Variants in DNAH6 observed in about 807,000 individuals in gnomAD.
DNAH6 encodes dynein axonemal heavy chain 6.
In DNAH6, 340 loss-of-function variants were observed where a neutral mutation model predicts 491.4. That is an observed-to-expected ratio of 0.69 (90% CI 0.63 to 0.76). DNAH6 has a LOEUF of 0.76. Among genes scored for constraint, DNAH6 ranks in the 30% least tolerant of loss-of-function variants. DNAH6 has a pLI of 0.00. For synonymous variants in DNAH6, 1,603 were observed against 1,686.1 expected (o/e 0.95, Z 1.21); for missense variants, 4,443 against 4,972.2 (o/e 0.89, Z 3.20).
At chr2:84,517,170 T>C (rs1459391196) in intron 1 of DNAH6, among the ~76,000 whole-genome samples, 1 of 152,180 alleles carries the variant, frequency 6.6e-6, no homozygotes, top group Non-Finnish European at 1.5e-5. Flanking sequence ...TCGAAGTATC[T>C]CCACTCATCT....
intron 62 of DNAH6, among the ~76,000 whole-genome samples, chr2:84,741,016 TCAG>T (rs967770132): frequency 4.6e-5 from 7 of 152,192 alleles, no homozygotes; most frequent in African/African-American, 1.7e-4. Flanking sequence ...CAAAATGGTG[TCAG>T]CCATGGGCTT....
chr2:84,697,443 T>C, intron 46 of DNAH6, 132 bp from the exon 47 acceptor site: 1 of 980,832 alleles, frequency 1.0e-6, no homozygotes, highest in South Asian at 1.9e-5. Flanking sequence ...AACTTCAGGG[T>C]TCCATGAAAT....
intron 14 of DNAH6, among the ~76,000 whole-genome samples, chr2:84,580,335 C>G (rs1320659758): frequency 1.3e-5 from 2 of 151,718 alleles, no homozygotes; most frequent in African/African-American, 4.8e-5. Flanking sequence ...CACACACACA[C>G]ACACACACAC....
intron 63 of DNAH6, among the ~76,000 whole-genome samples, chr2:84,758,036 T>C (rs1164738318): frequency 6.6e-6 from 1 of 152,224 alleles, no homozygotes. Context: ...TTAAAATGTT[T>C]CATAAAGAAA....
At position 84,547,559 on chromosome 2, in the gene DNAH6, C is replaced by CCAAA. The variant is rs1220838544; in HGVS notation, c.1133_1134insCAAA (p.Leu379LysfsTer10). 7.7e-6 allele frequency: 12 copies of CCAAA among 1,551,836 alleles called. No individual in the cohort carries two copies. Among genetic ancestry groups the CCAAA allele is most frequent in the Non-Finnish European group, 1.0e-5 (12 of 1,146,984 alleles). On this transcript the variant is annotated frameshift_variant, in exon 7 of 77. Coordinates refer to ENST00000389394, the MANE Select transcript of DNAH6 (RefSeq NM_001370.2). LOFTEE classifies it high-confidence loss of function. Reference sequence around the variant, plus strand: ...GTAGTCAGGAGGGCTTGTCGATTTGCTTTGCGTGCTGCAGGATTTGTTCCT... The same window carrying CCAAA: ...GTAGTCAGGAGGGCTTGTCGATTTGCCAAATTTGCGTGCTGCAGGATTTGTTCCT...
intron 15 of DNAH6, among the ~76,000 whole-genome samples, chr2:84,586,330 A>G (rs780093715): frequency 1.3e-5 from 2 of 152,214 alleles, no homozygotes; most frequent in Non-Finnish European, 2.9e-5. Context: ...TGGAGTGTGC[A>G]GCCCTGGCCA....
chr2:84,789,795 A>G (rs1376037974), intron 68 of DNAH6, among the ~76,000 whole-genome samples: 1 of 152,208 alleles, frequency 6.6e-6, no homozygotes, highest in East Asian at 1.9e-4. Flanking sequence ...CACTTTTACA[A>G]GAGTTTTTAT....
chr2:84,637,458 T>C (rs1278188230), intron 31 of DNAH6, 81 bp downstream of exon 31: 2 of 1,395,338 alleles, frequency 1.4e-6, no homozygotes, highest in African/African-American at 2.9e-5. Flanking sequence ...GTAGAAAGTT[T>C]CCTTTATGAA....
chr2:84,473,070 A>C, the DNAH6 span, among the ~76,000 whole-genome samples: 1 of 152,130 alleles, frequency 6.6e-6, no homozygotes, highest in East Asian at 1.9e-4. Context: ...CCATTACTAG[A>C]TCCATCAGTA....
chr2:84,550,287 G>T (rs1007881009), intron 9 of DNAH6, among the ~76,000 whole-genome samples: 1 of 152,126 alleles, frequency 6.6e-6, no homozygotes, highest in African/African-American at 2.4e-5. Context: ...AGATCATCAG[G>T]CATTAGTTAG....
chr2:84,541,860 C>G (rs563262522), intron 4 of DNAH6, among the ~76,000 whole-genome samples: 1 of 152,250 alleles, frequency 6.6e-6, no homozygotes, highest in Non-Finnish European at 1.5e-5. Context: ...ATCTCACTAT[C>G]CTTGAGTCTT....
intron 10 of DNAH6, among the ~76,000 whole-genome samples, chr2:84,556,403 A>G (rs1436774666): frequency 6.6e-6 from 1 of 152,148 alleles, no homozygotes; most frequent in East Asian, 1.9e-4. Flanking sequence ...CCAGTACCTA[A>G]ATGACTCACC....
At chr2:84,726,277 G>T (rs1292654821) in intron 60 of DNAH6, among the ~76,000 whole-genome samples, 4 of 152,100 alleles carry the variant, frequency 2.6e-5, no homozygotes, top group Non-Finnish European at 5.9e-5. Flanking sequence ...CAGGGATTGG[G>T]CAGGTACTAC....
At chr2:84,466,300 G>A in the DNAH6 span, among the ~76,000 whole-genome samples, 1 of 152,218 alleles carries the variant, frequency 6.6e-6, no homozygotes, top group Non-Finnish European at 1.5e-5. Flanking sequence ...TCCAGTCAAA[G>A]CCTTGGTAAA....
upstream of DNAH6, chr2:84,516,433 A>C (rs1363985947): frequency 6.6e-6 from 1 of 152,174 alleles, no homozygotes; most frequent in Non-Finnish European, 1.5e-5. Context: ...TTGCCTGGCG[A>C]CGTGTTACTC....
intron 62 of DNAH6, among the ~76,000 whole-genome samples, chr2:84,735,652 A>T (rs1699479608): frequency 1.3e-5 from 2 of 152,112 alleles, no homozygotes; most frequent in African/African-American, 4.8e-5. Context: ...AGTCATGTTG[A>T]GCATTTTTTC....
At chr2:84,502,956 A>G in the DNAH6 span, among the ~76,000 whole-genome samples, 3 of 152,052 alleles carry the variant, frequency 2.0e-5, no homozygotes, top group East Asian at 1.9e-4. Context: ...CAGCCAGTCT[A>G]TGTCTTTTGA....
At chr2:84,586,202 G>A (rs546237153) in intron 15 of DNAH6, among the ~76,000 whole-genome samples, 1 of 152,316 alleles carries the variant, frequency 6.6e-6, no homozygotes, top group African/African-American at 2.4e-5. Context: ...GACTGCCTGA[G>A]TCTGCAGCAA....
Position 84,544,498 on chromosome 2 carries a change from C to A in DNAH6, c.928C>A (p.Pro310Thr). ...SLQKNLFIVNPHLRPALLKIN... is the reference protein window; with the variant it reads ...SLQKNLFIVNTHLRPALLKIN... ...ACAAAAAAATTTGTTCATTGTTAATCCTGTATGTATTTATCATTTATATTT... is the reference window on the plus strand; with the variant it reads ...ACAAAAAAATTTGTTCATTGTTAATACTGTATGTATTTATCATTTATATTT... The change falls in exon 5 of 77, where the codon CCT becomes ACT. Residue 310 changes from proline (P) to threonine (T), a missense_variant and splice_region_variant. This residue lies in a region of DNAH6 where 2,977 missense variants were observed against 3,296.6 expected (regional missense o/e 0.90). Transcript: ENST00000389394. The A allele has an allele frequency of 7.1e-7, 1 of 1,412,704 alleles. No individual in the cohort carries two copies. The highest frequency in any genetic ancestry group is 9.7e-7 in the Non-Finnish European group (1 of 1,026,370). 87.5% of individuals were successfully genotyped at this position (1,412,704 alleles called of 1,614,324 possible).
Sources: allele counts gnomAD v4.1 joint callset (sites outside exome capture counted in the v4.1 genomes callset), GRCh38; gene constraint gnomAD v4.1.1; regional missense constraint gnomAD v4.1.1; transcripts MANE v1.5; gene names NCBI Gene and HGNC (gene_info 2026-07-23, HGNC 2026-07-21).